The following BANF2 variants were observed in gnomAD, a reference collection of about 807,000 sequenced individuals.
The protein encoded by BANF2 is barrier-to-autointegration factor-like protein.
In BANF2, 4 loss-of-function variants were observed where a neutral mutation model predicts 8.0. That is an observed-to-expected ratio of 0.50 (90% CI 0.25 to 1.14). The LOEUF (loss-of-function observed/expected upper bound fraction) is 1.14, where lower values mean the gene tolerates loss of function less well. Ranked by LOEUF, BANF2 falls within the 50% of genes most tolerant of loss-of-function variation. The pLI, the probability that BANF2 is intolerant of heterozygous loss-of-function variation, is 0.16. For synonymous variants in BANF2, 50 were observed against 40.6 expected, an observed-to-expected ratio of 1.23 and a Z score of -0.88; for missense variants, 96 against 107.5, an observed-to-expected ratio of 0.89 and a Z score of 0.47.
chr20:17,716,856 A>AT (rs2037661441), intron 1 of BANF2, among the ~76,000 whole-genome samples: 1 of 150,880 alleles, frequency 6.6e-6, no homozygotes, highest in African/African-American at 2.4e-5. Context: ...AAAAAAAAAA[A>AT]AAAAAGAAAG....
At chr20:17,718,980 C>T (rs2037692243) in intron 1 of BANF2, among the ~76,000 whole-genome samples, 1 of 152,136 alleles carries the variant, frequency 6.6e-6, no homozygotes, top group Admixed American at 6.5e-5. Flanking sequence ...TGTATGATGG[C>T]CAAGTGCTTA....
intron 3 of BANF2, among the ~76,000 whole-genome samples, chr20:17,734,324 G>T (rs954772525): frequency 6.6e-6 from 1 of 152,120 alleles, no homozygotes; most frequent in African/African-American, 2.4e-5. Flanking sequence ...ACAAGGTTTA[G>T]CATGTTTTAA....
intron 1 of BANF2, among the ~76,000 whole-genome samples, chr20:17,703,107 C>T (rs747695232): frequency 3.3e-5 from 5 of 152,152 alleles, no homozygotes; most frequent in Non-Finnish European, 7.3e-5. Flanking sequence ...TTCTCTCTGC[C>T]GGCATCACTT....
intron 3 of BANF2, among the ~76,000 whole-genome samples, chr20:17,726,166 A>C (rs1600226754): frequency 6.6e-6 from 1 of 152,184 alleles, no homozygotes; most frequent in Non-Finnish European, 1.5e-5. Context: ...TAAATGAAAA[A>C]ATTTTTGTAC....
At chr20:17,697,224 C>T (rs1322044727), upstream of BANF2, among the ~76,000 whole-genome samples, 1 of 152,198 alleles carries the variant, frequency 6.6e-6, no homozygotes, top group Non-Finnish European at 1.5e-5. Flanking sequence ...ATGGTGCTAG[C>T]TCCACCTCCA....
intron 1 of BANF2, among the ~76,000 whole-genome samples, chr20:17,708,116 A>C (rs2037513755): frequency 6.6e-6 from 1 of 151,494 alleles, no homozygotes; most frequent in Non-Finnish European, 1.5e-5. Context: ...AATCCCAGCT[A>C]CTCGAGAGGC....
At chr20:17,709,797 A>G (rs1752493612) in intron 1 of BANF2, among the ~76,000 whole-genome samples, 1 of 152,234 alleles carries the variant, frequency 6.6e-6, no homozygotes, top group African/African-American at 2.4e-5. Context: ...TCTCATCCCA[A>G]GGGCAGGTGG....
chr20:17,694,018 C>A (rs576925529), intron 1 of BANF2, among the ~76,000 whole-genome samples: 6 of 152,234 alleles, frequency 3.9e-5, no homozygotes, highest in Non-Finnish European at 8.8e-5. Flanking sequence ...GCCTCACAGT[C>A]TCTCCTTGTT....
At chr20:17,716,152 T>C (rs1489804798) in intron 1 of BANF2, among the ~76,000 whole-genome samples, 1 of 152,178 alleles carries the variant, frequency 6.6e-6, no homozygotes, top group Non-Finnish European at 1.5e-5. Flanking sequence ...CTGAGTGGAC[T>C]GTACAAAATG....
At chr20:17,716,032 G>A (rs2037647880) in intron 1 of BANF2, among the ~76,000 whole-genome samples, 2 of 152,052 alleles carry the variant, frequency 1.3e-5, no homozygotes, top group African/African-American at 2.4e-5. Flanking sequence ...GTTCCCACCC[G>A]CCGAGCAGCC....
At chr20:17,720,465 G>C (rs1179328937) in intron 1 of BANF2, among the ~76,000 whole-genome samples, 1 of 152,204 alleles carries the variant, frequency 6.6e-6, no homozygotes, top group Non-Finnish European at 1.5e-5. Context: ...ATTATGCTAA[G>C]TGAAATAAGC....
At chr20:17,717,724 A>G (rs892610714) in intron 1 of BANF2, among the ~76,000 whole-genome samples, 1 of 152,246 alleles carries the variant, frequency 6.6e-6, no homozygotes, top group East Asian at 1.9e-4. Context: ...ATAATTTATA[A>G]AACAAAATGT....
At chr20:17,710,021 G>A (rs2037545937) in intron 1 of BANF2, among the ~76,000 whole-genome samples, 1 of 152,252 alleles carries the variant, frequency 6.6e-6, no homozygotes, top group Admixed American at 6.5e-5. Context: ...AGCAGTTACT[G>A]CCATGAGCAC....
At chr20:17,705,748 G>A (rs971743569) in intron 1 of BANF2, among the ~76,000 whole-genome samples, 5 of 152,188 alleles carry the variant, frequency 3.3e-5, no homozygotes, top group African/African-American at 9.7e-5. Flanking sequence ...AGTGATTTGG[G>A]CAAGGTTATG....
chr20:17,694,618 T>A (rs2037329864), intron 1 of BANF2, among the ~76,000 whole-genome samples: 1 of 112,302 alleles, frequency 8.9e-6, no homozygotes, highest in Non-Finnish European at 2.0e-5. Context: ...TTTTTTTTTT[T>A]TTTTTTTTTT....
At chr20:17,734,406 C>T (rs1252844146) in intron 3 of BANF2, among the ~76,000 whole-genome samples, 4 of 152,202 alleles carry the variant, frequency 2.6e-5, no homozygotes, top group Admixed American at 1.3e-4. Context: ...TGAATGCCTT[C>T]CCATTTAATT....
At chr20:17,695,109 T>C (rs2037335341), upstream of BANF2, among the ~76,000 whole-genome samples, 1 of 152,116 alleles carries the variant, frequency 6.6e-6, no homozygotes, top group Admixed American at 6.5e-5. Flanking sequence ...CCATAAGCAC[T>C]TGCCTTTAGC....
chr20:17,700,909 C>T lies in BANF2; in HGVS notation c.-167+854C>T, dbSNP rs1020436765. ...ACGGTCCATTCACCATCTGTGAGTG[C>T]CAACACGTCCACACAGCTGCAGCTG... On this transcript the variant is annotated intron_variant, in intron 1 of 3. Coordinates refer to ENST00000246090, the MANE Select transcript of BANF2 (RefSeq NM_178477.5). Among the ~76,000 whole-genome samples, 14 of 152,174 alleles carry T rather than the reference C, an allele frequency of 9.2e-5. 1 individual carries two copies. Among genetic ancestry groups the T allele is most frequent in the Admixed American group, 6.5e-5 (1 of 15,290 alleles).
At chr20:17,725,285 A>G in intron 3 of BANF2, 134 bp downstream of exon 3, 1 of 1,164,922 alleles carries the variant, frequency 8.6e-7, no homozygotes, top group South Asian at 1.4e-5. Flanking sequence ...GCGGGGTGCC[A>G]CATGCTTTCG....
Sources: gnomAD v4.1 joint callset for allele counts (sites outside exome capture counted in the v4.1 genomes callset) on GRCh38, gnomAD v4.1.1 for gene constraint, MANE v1.5 for transcripts, NCBI Gene and HGNC (gene_info 2026-07-23, HGNC 2026-07-21) for gene names.